Variants in ICA1 observed in about 807,000 individuals in gnomAD.
The protein encoded by ICA1 is 69 kDa islet cell autoantigen.
Under a neutral mutation model 71.0 loss-of-function variants are expected in ICA1, and 40 were observed. That is an observed-to-expected ratio of 0.56 (90% CI 0.44 to 0.73). The LOEUF is 0.73. Ranked by LOEUF, ICA1 falls within the 30% of genes least tolerant of loss-of-function variation. The pLI is 0.00. For missense variants in ICA1, 578 were observed against 576.5 expected (o/e 1.00, Z -0.03); for synonymous variants, 207 against 209.5 (o/e 0.99, Z 0.10).
chr7:8,244,825 T>C (rs995838126), intron 1 of ICA1, among the ~76,000 whole-genome samples: 2 of 152,194 alleles, frequency 1.3e-5, no homozygotes, highest in African/African-American at 2.4e-5. Flanking sequence ...TCATCATTGG[T>C]CATCAGAGAA....
intron 1 of ICA1, among the ~76,000 whole-genome samples, chr7:8,239,391 A>C (rs1480129577): frequency 1.3e-5 from 2 of 152,214 alleles, no homozygotes; most frequent in African/African-American, 4.8e-5. Flanking sequence ...CCTCAAATAT[A>C]GATCAGCTCT....
intron 1 of ICA1, among the ~76,000 whole-genome samples, chr7:8,259,774 C>G (rs1372958780): frequency 6.6e-6 from 1 of 152,080 alleles, no homozygotes; most frequent in Non-Finnish European, 1.5e-5. Flanking sequence ...CTCCATACTC[C>G]CTCAGAGTGT....
chr7:8,251,733 A>G (rs535838388), intron 1 of ICA1, among the ~76,000 whole-genome samples: 1 of 152,260 alleles, frequency 6.6e-6, no homozygotes, highest in African/African-American at 2.4e-5. Context: ...GGAAAATATC[A>G]AATATAACAG....
intron 13 of ICA1, among the ~76,000 whole-genome samples, chr7:8,125,017 G>C (rs2128048422): frequency 6.6e-6 from 1 of 152,176 alleles, no homozygotes; most frequent in African/African-American, 2.4e-5. Context: ...TCAAACTCCT[G>C]ACCTCAAGCC....
At chr7:8,119,519 A>C (rs1785999083) in intron 13 of ICA1, among the ~76,000 whole-genome samples, 1 of 152,236 alleles carries the variant, frequency 6.6e-6, no homozygotes, top group Non-Finnish European at 1.5e-5. Context: ...AGCTATAAAT[A>C]AGTGAAACAT....
chr7:8,193,170 G>GCCC (rs1786286417), intron 6 of ICA1, among the ~76,000 whole-genome samples: 2 of 152,136 alleles, frequency 1.3e-5, no homozygotes, highest in South Asian at 4.1e-4. Flanking sequence ...ATATCCACAA[G>GCCC]TACTCTCAGA....
chr7:8,256,726 C>T (rs1181572883), intron 1 of ICA1, among the ~76,000 whole-genome samples: 2 of 152,192 alleles, frequency 1.3e-5, no homozygotes, highest in Non-Finnish European at 2.9e-5. Flanking sequence ...CTGCACTAGA[C>T]TGTAGGTCCC....
chr7:8,251,938 G>A (rs1433937427), intron 1 of ICA1, among the ~76,000 whole-genome samples: 4 of 152,104 alleles, frequency 2.6e-5, no homozygotes, highest in African/African-American at 7.2e-5. Flanking sequence ...AAGGATGATC[G>A]ATGGTGAATT....
intron 8 of ICA1, among the ~76,000 whole-genome samples, chr7:8,154,502 C>T (rs1241573680): frequency 6.6e-6 from 1 of 152,176 alleles, no homozygotes; most frequent in Non-Finnish European, 1.5e-5. Flanking sequence ...AAATGGCTTG[C>T]TTTTCATTAA....
intron 1 of ICA1, among the ~76,000 whole-genome samples, chr7:8,250,207 C>T (rs1807685797): frequency 6.6e-6 from 1 of 152,128 alleles, no homozygotes; most frequent in Non-Finnish European, 1.5e-5. Flanking sequence ...GTCACTTCCT[C>T]TTATGTCAAT....
intron 6 of ICA1, among the ~76,000 whole-genome samples, chr7:8,212,006 T>C (rs1049806069): frequency 6.6e-6 from 1 of 152,212 alleles, no homozygotes; most frequent in Non-Finnish European, 1.5e-5. Flanking sequence ...AGTATTCATA[T>C]ATAAATAAGA....
intron 6 of ICA1, among the ~76,000 whole-genome samples, chr7:8,207,248 A>C (rs1045369626): frequency 5.0e-4 from 76 of 152,208 alleles, no homozygotes; most frequent in African/African-American, 1.5e-3. Flanking sequence ...GTGAAGTGTT[A>C]CCAAGCCCGA....
chr7:8,192,886 C>T (rs1321212099), intron 6 of ICA1, among the ~76,000 whole-genome samples: 1 of 152,212 alleles, frequency 6.6e-6, no homozygotes, highest in Non-Finnish European at 1.5e-5. Flanking sequence ...TTTGGGCTGG[C>T]TCCAGCGTCA....
At chr7:8,154,001 T>C (rs1237905496) in intron 8 of ICA1, among the ~76,000 whole-genome samples, 1 of 151,730 alleles carries the variant, frequency 6.6e-6, no homozygotes, top group African/African-American at 2.4e-5. Context: ...TAAAATTTTT[T>C]AAATATTAAA....
chr7:8,172,222 T>A (rs897166170), intron 6 of ICA1, among the ~76,000 whole-genome samples: 2 of 152,072 alleles, frequency 1.3e-5, no homozygotes, highest in African/African-American at 4.8e-5. Context: ...ACTTGTCTAT[T>A]TTTCCTTTAA....
chr7:8,218,170 A>C (rs1795952865), intron 6 of ICA1, 135 bp downstream of exon 6: 1 of 727,354 alleles, frequency 1.4e-6, no homozygotes, highest in Non-Finnish European at 2.4e-6. Flanking sequence ...ATTCTGTCAC[A>C]TAAAAAGACA....
intron 6 of ICA1, among the ~76,000 whole-genome samples, chr7:8,189,302 A>G (rs1438595673): frequency 6.6e-6 from 1 of 152,174 alleles, no homozygotes; most frequent in Non-Finnish European, 1.5e-5. Context: ...ATTATACTAG[A>G]AGGAGGCTTA....
At chr7:8,147,482 G>A (rs1584530666) in intron 8 of ICA1, among the ~76,000 whole-genome samples, 1 of 152,042 alleles carries the variant, frequency 6.6e-6, no homozygotes. Flanking sequence ...CAATTTGGCT[G>A]TTGCAGCTCA....
chr7:8,153,505 T>C lies in ICA1; in HGVS notation c.804+3611A>G, dbSNP rs572457328. Among the ~76,000 whole-genome samples, 6 of 152,178 alleles carry C rather than the reference T, an allele frequency of 3.9e-5. No homozygotes were observed. In the East Asian group the frequency reaches 7.7e-4, roughly 20 times the overall value. On this transcript the variant is annotated intron_variant, in intron 8 of 13. Coordinates refer to ENST00000402384, the MANE Select transcript of ICA1 (RefSeq NM_001136020.3). Reference sequence around the variant, plus strand: ...ACTCTACTTATGAGGTCTTTTTTTTTCCCCCTTGATAATGTCTGCTCGGCA... The same window carrying C: ...ACTCTACTTATGAGGTCTTTTTTTTCCCCCCTTGATAATGTCTGCTCGGCA...
Sources: gnomAD v4.1 joint callset for allele counts (sites outside exome capture counted in the v4.1 genomes callset) on GRCh38, gnomAD v4.1.1 for gene constraint, MANE v1.5 for transcripts, NCBI Gene and HGNC (gene_info 2026-07-23, HGNC 2026-07-21) for gene names.